Variants in M1AP observed in about 807,000 individuals in gnomAD.
M1AP encodes the protein meiosis 1 associated protein.
Under a neutral mutation model 51.2 loss-of-function variants are expected in M1AP, and 39 were observed. The ratio of observed to expected loss-of-function variants is 0.76; its 90% CI spans 0.59 to 1.00. M1AP has a LOEUF of 1.00. Ranked by LOEUF, M1AP falls within the 50% of genes least tolerant of loss-of-function variation. The probability of loss-of-function intolerance (pLI) is 0.00; values close to 1 mark genes in which losing one functional copy is unlikely to be tolerated. For synonymous variants in M1AP, 251 were observed against 249.2 expected, an observed-to-expected ratio of 1.01 and a Z score of -0.07; for missense variants, 545 against 641.2, an observed-to-expected ratio of 0.85 and a Z score of 1.62.
intron 4 of M1AP, among the ~76,000 whole-genome samples, chr2:74,584,017 A>C (rs1679561691): frequency 1.3e-5 from 2 of 152,138 alleles, no homozygotes; most frequent in African/African-American, 4.8e-5. Context: ...GGAGTTTATA[A>C]AGCAACATGA....
At position 74,647,927 on chromosome 2, in the gene M1AP, C is replaced by T. The variant is rs1304775081; in HGVS notation, c.-53+338G>A. On this transcript the variant is annotated intron_variant, in intron 1 of 10. Coordinates refer to ENST00000421985, the MANE Select transcript of M1AP (RefSeq NM_001321739.2). The stretch of plus-strand genomic sequence containing the variant: ...AAGCAAAACCAGAAGAAAAAAAATT[C>T]TCGTGGCTCCCTGAAGCCTCCGTGG... The T allele has an allele frequency of 6.6e-6, 5 of 755,952 alleles. 1 individual carries two copies. The East Asian group carries it at 5.1e-4, about 78-fold the overall frequency. 46.8% of individuals were successfully genotyped at this position (755,952 alleles called of 1,614,324 possible). A position where few individuals can be genotyped will look rare whatever the true frequency, so the allele number is the denominator to read the frequency against.
chr2:74,567,331 G>T (rs2104530111), intron 7 of M1AP, among the ~76,000 whole-genome samples: 1 of 152,336 alleles, frequency 6.6e-6, no homozygotes, highest in South Asian at 2.1e-4. Context: ...GAGCCCCATA[G>T]CCTTTCCTGA....
At position 74,558,554 on chromosome 2, in the gene M1AP, T is replaced by G. The variant is rs1573046828; in HGVS notation, c.*162A>C. On this transcript the variant is annotated 3_prime_UTR_variant, in exon 11 of 11. Coordinates refer to ENST00000421985, the MANE Select transcript of M1AP (RefSeq NM_001321739.2). ...GTGTGTCGCTTCCAGACTTGAGGAG[T>G]GGGACAGCACTGAAACAGGACAGGA... 2.8e-6 allele frequency: 2 copies of G among 714,630 alleles called. No individual in the cohort carries two copies. Among genetic ancestry groups the G allele is most frequent in the Non-Finnish European group, 2.2e-6 (1 of 446,770 alleles). 44.3% of individuals were successfully genotyped at this position (714,630 alleles called of 1,614,324 possible).
chr2:74,577,450 T>G (rs542510488), intron 5 of M1AP, among the ~76,000 whole-genome samples: 2 of 152,220 alleles, frequency 1.3e-5, no homozygotes, highest in Non-Finnish European at 2.9e-5. Context: ...GCTTGAATAG[T>G]GATAACAAAC....
intron 4 of M1AP, among the ~76,000 whole-genome samples, chr2:74,584,582 G>T (rs1362461004): frequency 6.6e-6 from 1 of 151,574 alleles, no homozygotes; most frequent in Non-Finnish European, 1.5e-5. Flanking sequence ...TCTCCCCAGG[G>T]AAAGGGTGGA....
chr2:74,593,565 G>A (rs1018302174), intron 4 of M1AP, among the ~76,000 whole-genome samples: 6 of 152,086 alleles, frequency 3.9e-5, no homozygotes, highest in African/African-American at 1.4e-4. Context: ...ATTTTTAGTA[G>A]AGACAAGGTT....
At chr2:74,635,432 A>G (rs1217966083) in intron 2 of M1AP, among the ~76,000 whole-genome samples, 1 of 152,010 alleles carries the variant, frequency 6.6e-6, no homozygotes, top group Non-Finnish European at 1.5e-5. Flanking sequence ...TCAAAGAATC[A>G]ACTTCTTTTC....
intron 4 of M1AP, among the ~76,000 whole-genome samples, chr2:74,587,596 T>C (rs1442602928): frequency 6.6e-6 from 1 of 152,212 alleles, no homozygotes; most frequent in Non-Finnish European, 1.5e-5. Context: ...TATTGTGTTC[T>C]TCACAAATAC....
At chr2:74,578,617 T>A (rs896468004) in intron 5 of M1AP, among the ~76,000 whole-genome samples, 2 of 152,124 alleles carry the variant, frequency 1.3e-5, no homozygotes, top group African/African-American at 4.8e-5. Flanking sequence ...AGAGCCCAGA[T>A]GCAGATGTGG....
intron 7 of M1AP, among the ~76,000 whole-genome samples, chr2:74,565,991 T>A (rs570073510): frequency 6.6e-6 from 1 of 152,312 alleles, no homozygotes; most frequent in South Asian, 2.1e-4. Flanking sequence ...TCATATGTAG[T>A]GGTGAAAGAG....
At chr2:74,605,878 G>A (rs542003577) in intron 4 of M1AP, among the ~76,000 whole-genome samples, 2 of 151,174 alleles carry the variant, frequency 1.3e-5, no homozygotes, top group South Asian at 2.1e-4. Flanking sequence ...TCCAGCCTGG[G>A]CAACAGAGCG....
At chr2:74,573,476 C>T (rs1480729450) in intron 7 of M1AP, among the ~76,000 whole-genome samples, 2 of 152,048 alleles carry the variant, frequency 1.3e-5, no homozygotes, top group Non-Finnish European at 2.9e-5. Flanking sequence ...TCTCGGCCTC[C>T]TGAGTAGCTG....
intron 7 of M1AP, among the ~76,000 whole-genome samples, chr2:74,573,801 A>G (rs920196389): frequency 1.3e-5 from 2 of 152,164 alleles, no homozygotes; most frequent in African/African-American, 2.4e-5. Context: ...AGCAAAAGGA[A>G]AGGGTATCAT....
intron 4 of M1AP, among the ~76,000 whole-genome samples, chr2:74,587,674 T>C (rs1010446616): frequency 6.6e-6 from 1 of 152,154 alleles, no homozygotes; most frequent in Non-Finnish European, 1.5e-5. Flanking sequence ...GCTCCCTCAC[T>C]GGCTGGGGAG....
At chr2:74,639,884 C>T in intron 2 of M1AP, 152 bp downstream of exon 2, 1 of 682,848 alleles carries the variant, frequency 1.5e-6, no homozygotes, top group Non-Finnish European at 2.5e-6. Flanking sequence ...TGCAGGATGC[C>T]CTCTGGCTCT....
chr2:74,609,980 T>C (rs953770786), intron 3 of M1AP, among the ~76,000 whole-genome samples: 1 of 152,072 alleles, frequency 6.6e-6, no homozygotes, highest in Non-Finnish European at 1.5e-5. Flanking sequence ...TTTTCTTCCA[T>C]TCTGTAGGCT....
At chr2:74,645,906 T>C (rs1173523689) in intron 1 of M1AP, among the ~76,000 whole-genome samples, 2 of 152,174 alleles carry the variant, frequency 1.3e-5, no homozygotes. Context: ...GTATATAGAT[T>C]TCAGTTACTA....
At chr2:74,620,598 A>G (rs911899315) in intron 2 of M1AP, 2 of 183,044 alleles carry the variant, frequency 1.1e-5, no homozygotes, top group African/African-American at 4.7e-5. Context: ...TGCAAAGAAA[A>G]GAGAAGCAGA....
intron 2 of M1AP, among the ~76,000 whole-genome samples, chr2:74,639,188 T>C (rs1002749075): frequency 2.0e-5 from 3 of 152,230 alleles, no homozygotes; most frequent in Non-Finnish European, 4.4e-5. Context: ...AACAGAGATG[T>C]TATCTTTCCA....
Sources: gnomAD v4.1 joint callset for allele counts (sites outside exome capture counted in the v4.1 genomes callset) on GRCh38, gnomAD v4.1.1 for gene constraint, MANE v1.5 for transcripts, NCBI Gene and HGNC (gene_info 2026-07-23, HGNC 2026-07-21) for gene names.